Variants in THADA observed in about 807,000 individuals in gnomAD.
The protein encoded by THADA is THADA armadillo repeat containing.
Under a neutral mutation model 219.8 loss-of-function variants are expected in THADA, and 213 were observed. The ratio of observed to expected loss-of-function variants is 0.97; its 90% CI spans 0.87 to 1.09. The LOEUF is 1.09. THADA is among the 50% of genes least tolerant of loss of function. The probability of loss-of-function intolerance (pLI) is 0.00; values close to 1 mark genes in which losing one functional copy is unlikely to be tolerated. For missense variants in THADA, 2,956 were observed against 2,311.3 expected, an observed-to-expected ratio of 1.28 and a Z score of -5.72; for synonymous variants, 1,018 against 828.9, an observed-to-expected ratio of 1.23 and a Z score of -3.92.
intron 28 of THADA, among the ~76,000 whole-genome samples, chr2:43,421,765 G>A (rs530479862): frequency 7.6e-4 from 116 of 152,298 alleles, no homozygotes; most frequent in Non-Finnish European, 1.2e-3. Context: ...TATGTTTTCA[G>A]AACTATCCAG....
chr2:43,579,185 C>T (rs893270049), intron 8 of THADA, among the ~76,000 whole-genome samples: 2 of 152,260 alleles, frequency 1.3e-5, no homozygotes, highest in Admixed American at 6.5e-5. Flanking sequence ...TGATTCCTTC[C>T]TCTCTCCTCT....
At chr2:43,418,296 A>G (rs1443008253) in intron 28 of THADA, among the ~76,000 whole-genome samples, 2 of 152,228 alleles carry the variant, frequency 1.3e-5, no homozygotes, top group Admixed American at 1.3e-4. Flanking sequence ...ATGATAATCA[A>G]CGTAAGAAGC....
chr2:43,281,650 A>C (rs1673377620), intron 35 of THADA, among the ~76,000 whole-genome samples: 1 of 151,950 alleles, frequency 6.6e-6, no homozygotes, highest in South Asian at 2.1e-4. Flanking sequence ...CATGTTGGTC[A>C]GGCTCAAACT....
intron 36 of THADA, among the ~76,000 whole-genome samples, chr2:43,235,770 A>T (rs1304539612): frequency 3.3e-5 from 5 of 152,062 alleles, no homozygotes; most frequent in Non-Finnish European, 7.4e-5. Flanking sequence ...AGGCTGCTGC[A>T]CTAGCCCCAC....
At chr2:43,582,083 C>T (rs1700522348) in intron 7 of THADA, among the ~76,000 whole-genome samples, 155 bp from the exon 8 acceptor site, 1 of 152,150 alleles carries the variant, frequency 6.6e-6, no homozygotes, top group African/African-American at 2.4e-5. Context: ...ATAAACATTC[C>T]AATTATGTAG....
At chr2:43,552,487 TC>T in intron 17 of THADA, 148 bp from the exon 18 acceptor site, 1 of 887,316 alleles carries the variant, frequency 1.1e-6, no homozygotes, top group South Asian at 1.9e-5. Context: ...TTCAGGGTTA[TC>T]CAACAGGGTG....
chr2:43,349,809 T>TATTTTCTTAAAAGCAAATGC, intron 29 of THADA, among the ~76,000 whole-genome samples: 1 of 152,240 alleles, frequency 6.6e-6, no homozygotes, highest in Non-Finnish European at 1.5e-5. Flanking sequence ...TTTGCAACTG[T>TATTTTCTTAAAAGCAAATGC]ATTTTCTTAA....
At chr2:43,548,239 G>T (rs1359238252) in intron 20 of THADA, among the ~76,000 whole-genome samples, 6 of 152,228 alleles carry the variant, frequency 3.9e-5, no homozygotes, top group Non-Finnish European at 7.3e-5. Flanking sequence ...TTGTCTCAGA[G>T]GGGTACCCGG....
chr2:43,541,347 C>A, intron 20 of THADA, 31 bp from the exon 21 acceptor site: 1 of 1,609,422 alleles, frequency 6.2e-7, no homozygotes. Context: ...ACGATTGCAA[C>A]CTTGATTACT....
At chr2:43,529,472 G>C (rs1012381407) in intron 21 of THADA, among the ~76,000 whole-genome samples, 1 of 152,082 alleles carries the variant, frequency 6.6e-6, no homozygotes, top group African/African-American at 2.4e-5. Context: ...TCAGCCTCCC[G>C]AGTAGCTGTT....
chr2:43,342,265 C>T (rs1309788682), intron 30 of THADA, among the ~76,000 whole-genome samples: 1 of 152,172 alleles, frequency 6.6e-6, no homozygotes, highest in Non-Finnish European at 1.5e-5. Context: ...CTCCCAATAA[C>T]TTTACCGGCA....
At chr2:43,585,440 C>T (rs1035930279) in intron 7 of THADA, among the ~76,000 whole-genome samples, 4 of 151,296 alleles carry the variant, frequency 2.6e-5, no homozygotes, top group Admixed American at 6.6e-5. Context: ...ATCACTTGAA[C>T]CCAGGGAGGT....
At chr2:43,293,803 T>A (rs1675035938) in intron 31 of THADA, among the ~76,000 whole-genome samples, 1 of 152,222 alleles carries the variant, frequency 6.6e-6, no homozygotes, top group African/African-American at 2.4e-5. Flanking sequence ...ACATTCCTAC[T>A]TCCTTCCTCA....
At chr2:43,449,378 G>C (rs946154408) in intron 26 of THADA, among the ~76,000 whole-genome samples, 1 of 152,010 alleles carries the variant, frequency 6.6e-6, no homozygotes, top group East Asian at 1.9e-4. Flanking sequence ...GGAGAAGAGA[G>C]AGAGAGAAAG....
intron 22 of THADA, among the ~76,000 whole-genome samples, chr2:43,525,833 A>G (rs1392468828): frequency 6.6e-6 from 1 of 152,206 alleles, no homozygotes; most frequent in African/African-American, 2.4e-5. Flanking sequence ...GACAAAAGTT[A>G]ACTAAAACCC....
intron 15 of THADA, 188 bp downstream of exon 15, chr2:43,566,510 G>C (rs1214225526): frequency 9.4e-6 from 7 of 744,234 alleles, no homozygotes; most frequent in Non-Finnish European, 1.7e-5. Flanking sequence ...TCAATGAAAA[G>C]GGAGATAGTT....
intron 29 of THADA, among the ~76,000 whole-genome samples, chr2:43,356,580 T>G (rs1668894025): frequency 6.6e-6 from 1 of 152,152 alleles, no homozygotes; most frequent in African/African-American, 2.4e-5. Flanking sequence ...AGTAACTGAA[T>G]GAAATATGGC....
Position 43,558,703 on chromosome 2 carries a change from C to A in THADA, c.2463+1531G>T, listed in dbSNP as rs572129179. 5.3e-5 allele frequency among the ~76,000 whole-genome samples: 8 copies of A among 152,238 alleles called. No individual in the cohort carries two copies. The South Asian group carries it at 1.5e-3, about 28-fold the overall frequency. On this transcript the variant is annotated intron_variant, in intron 16 of 37. Transcript: ENST00000405975. ...CAGCTTGCAGAGGGCTATTGTGGGG[C>A]CTCAGCTTGTGATCGTGTGAGTCAA...
intron 29 of THADA, among the ~76,000 whole-genome samples, chr2:43,363,990 G>A (rs1573282718): frequency 6.6e-6 from 1 of 152,328 alleles, no homozygotes; most frequent in East Asian, 1.9e-4. Flanking sequence ...GGGAGGCCAA[G>A]GCGGGCAGAT....
Sources: gnomAD v4.1 joint callset for allele counts (sites outside exome capture counted in the v4.1 genomes callset) on GRCh38, gnomAD v4.1.1 for gene constraint, MANE v1.5 for transcripts, NCBI Gene and HGNC (gene_info 2026-07-23, HGNC 2026-07-21) for gene names.